Variants in SNX16 observed in about 807,000 individuals in gnomAD.
SNX16 encodes the protein sorting nexin-16.
Under a neutral mutation model 36.7 loss-of-function variants are expected in SNX16, and 35 were observed. That is an observed-to-expected ratio of 0.95 (90% CI 0.73 to 1.27). SNX16 has a LOEUF of 1.27. Ranked by LOEUF, SNX16 falls within the 50% of genes most tolerant of loss-of-function variation. The pLI is 0.00. For missense variants in SNX16, 367 were observed against 393.6 expected (o/e 0.93, Z 0.57); for synonymous variants, 134 against 132.0 (o/e 1.02, Z -0.10).
intron 2 of SNX16, among the ~76,000 whole-genome samples, chr8:81,833,367 G>A (rs557348418): frequency 5.3e-5 from 8 of 151,472 alleles, no homozygotes; most frequent in African/African-American, 1.7e-4. Flanking sequence ...GAATAAGGAG[G>A]AGTTAAGGAT....
intron 6 of SNX16, 77 bp downstream of exon 6, chr8:81,803,015 T>C: frequency 7.9e-7 from 1 of 1,261,874 alleles, no homozygotes; most frequent in Non-Finnish European, 1.0e-6. Flanking sequence ...TAAATCATAT[T>C]AAAATATAAA....
At position 81,808,865 on chromosome 8, in the gene SNX16, G is replaced by C. The variant is rs1360055421; in HGVS notation, c.682-5637C>G. The C allele has an allele frequency of 5.9e-6, 4 of 672,484 alleles. No individual in the cohort carries two copies. In the East Asian group the frequency reaches 8.4e-5, roughly 14 times the overall value. The allele number at this position is 672,484 out of a possible 1,614,324, so 41.7% of individuals were successfully genotyped here. A position where few individuals can be genotyped will look rare whatever the true frequency, so the allele number is the denominator to read the frequency against. On this transcript the variant is annotated intron_variant, in intron 5 of 7. Transcript: ENST00000345957. ...GCTGCTACAAAGAAGACATGTTTTA[G>C]ACAAATACTCATGTGCATAGGCAAA... is the stretch of plus-strand genomic sequence containing the variant.
chr8:81,842,093 C>T (rs1357901660), intron 1 of SNX16, 29 bp downstream of exon 1: 1 of 151,812 alleles, frequency 6.6e-6, no homozygotes, highest in Non-Finnish European at 1.5e-5. Context: ...CAGCGACCGC[C>T]TGTCCTGAGG....
At chr8:81,805,255 T>C (rs1809877786) in intron 5 of SNX16, among the ~76,000 whole-genome samples, 1 of 151,984 alleles carries the variant, frequency 6.6e-6, no homozygotes. Flanking sequence ...CTTGAAAAAT[T>C]AAAGAGAATT....
chr8:81,810,471 T>C (rs984476483), intron 5 of SNX16, among the ~76,000 whole-genome samples: 2 of 152,180 alleles, frequency 1.3e-5, no homozygotes, highest in Non-Finnish European at 2.9e-5. Context: ...AAAAGAGATA[T>C]ATATCTCATT....
intron 5 of SNX16, chr8:81,808,091 T>C: frequency 8.5e-7 from 1 of 1,179,670 alleles, no homozygotes; most frequent in Non-Finnish European, 1.2e-6. Context: ...GTGAAAAAGA[T>C]ATTTATTGGT....
intron 2 of SNX16, among the ~76,000 whole-genome samples, chr8:81,834,776 T>C (rs374962177): frequency 6.6e-6 from 1 of 152,232 alleles, no homozygotes; most frequent in Non-Finnish European, 1.5e-5. Flanking sequence ...GCTCCACCCC[T>C]GGGGCTTTGC....
At chr8:81,805,304 A>C (rs1292512388) in intron 5 of SNX16, among the ~76,000 whole-genome samples, 1 of 152,164 alleles carries the variant, frequency 6.6e-6, no homozygotes, top group Non-Finnish European at 1.5e-5. Flanking sequence ...GGAACAATAT[A>C]AAATATGAAC....
In SNX16 at chr8:81,823,881, A is replaced by G; in HGVS notation, c.522T>C (p.Asp174=). 2 of 1,612,134 alleles carry G rather than the reference A, an allele frequency of 1.2e-6. No individual in the cohort carries two copies. Among genetic ancestry groups the G allele is most frequent in the Non-Finnish European group, 1.7e-6 (2 of 1,179,044 alleles). ...CTTCTAAAAAGTCAGCATTGTAATT[A>G]TCTTTAAACCAGCGTTTTGGAGGAA... The part of the protein sequence containing the change: ...LALPPKRWFK[D]NYNADFLEDR... The change falls in exon 4 of 8, where the codon GAT becomes GAC. Residue 174 remains aspartate (D), a synonymous_variant. Coordinates refer to ENST00000345957, the MANE Select transcript of SNX16 (RefSeq NM_152836.3).
At chr8:81,813,098 C>T (rs771439436) in intron 5 of SNX16, among the ~76,000 whole-genome samples, 5 of 151,708 alleles carry the variant, frequency 3.3e-5, no homozygotes, top group Non-Finnish European at 7.4e-5. Context: ...AGACAGATGT[C>T]GGAAAGAATA....
chr8:81,839,212 A>AT (rs1382060856), intron 2 of SNX16, among the ~76,000 whole-genome samples: 1 of 152,166 alleles, frequency 6.6e-6, no homozygotes, highest in African/African-American at 2.4e-5. Flanking sequence ...TGGGCATGTA[A>AT]TTTGGCAAGG....
At chr8:81,836,536 T>C (rs1295648809) in intron 2 of SNX16, among the ~76,000 whole-genome samples, 2 of 152,210 alleles carry the variant, frequency 1.3e-5, no homozygotes, top group Non-Finnish European at 2.9e-5. Context: ...CTTCCCATTG[T>C]TTAGGCCAAA....
At chr8:81,841,341 CA>C (rs34609959) in intron 1 of SNX16, among the ~76,000 whole-genome samples, 917 of 89,636 alleles carry the variant, frequency 0.01, 4 homozygotes, top group African/African-American at 0.028. Context: ...AACTCCGTCT[CA>C]AAAAAAAAAA....
intron 2 of SNX16, among the ~76,000 whole-genome samples, chr8:81,832,440 T>C (rs1263568457): frequency 1.3e-5 from 2 of 151,408 alleles, no homozygotes; most frequent in Non-Finnish European, 3.0e-5. Flanking sequence ...GGGGAAGGAG[T>C]TGAAAAACTG....
At chr8:81,817,809 C>T (rs946716252) in intron 4 of SNX16, among the ~76,000 whole-genome samples, 2 of 152,156 alleles carry the variant, frequency 1.3e-5, no homozygotes, top group Non-Finnish European at 2.9e-5. Context: ...AGGAAACCCT[C>T]ACCCTTGCTT....
Position 81,802,404 on chromosome 8 carries a change from TG to T in SNX16, c.913del (p.Gln305LysfsTer16). On this transcript the variant is annotated frameshift_variant, in exon 7 of 8. Coordinates refer to ENST00000345957, the MANE Select transcript of SNX16 (RefSeq NM_152836.3). LOFTEE classifies it low-confidence loss of function (END_TRUNC). ...KVESSALEVD[Q>X]DVLDEESRAD... ...CCTAGATTCTTCATCCAGGACATCT[TG>T]ATCAACCTCAAGTGCAGAGGACTCC... is the stretch of plus-strand genomic sequence containing the variant. 6.2e-7 allele frequency: 1 copy of T among 1,607,500 alleles called. No homozygotes were observed. The highest frequency in any genetic ancestry group is 1.3e-5 in the African/African-American group (1 of 74,574).
chr8:81,799,736 T>A lies in SNX16; in HGVS notation c.*1761A>T, dbSNP rs562533715. On this transcript the variant is annotated 3_prime_UTR_variant, in exon 8 of 8. Coordinates refer to ENST00000345957, the MANE Select transcript of SNX16 (RefSeq NM_152836.3). ...CCTTGAAGAACTTTAAATACAATCT[T>A]CCAAAAAGCCAGATTGAAAAAGTGG... is the stretch of plus-strand genomic sequence containing the variant. 143 of 152,022 alleles carry A rather than the reference T, an allele frequency of 9.4e-4. No homozygotes were observed. Among genetic ancestry groups the A allele is most frequent in the African/African-American group, 3.3e-3 (136 of 41,538 alleles). 9.4% of individuals were successfully genotyped at this position (152,022 alleles called of 1,614,324 possible). A position where few individuals can be genotyped will look rare whatever the true frequency, so the allele number is the denominator to read the frequency against.
At chr8:81,822,964 A>ATGTATGTATGTATATG (rs145512877) in intron 4 of SNX16, among the ~76,000 whole-genome samples, 1 of 127,250 alleles carries the variant, frequency 7.9e-6, no homozygotes, top group Non-Finnish European at 1.6e-5. Context: ...ATATATATAT[A>ATGTATGTATGTATATG]TATATATATA....
At chr8:81,835,215 G>C (rs911638108) in intron 2 of SNX16, among the ~76,000 whole-genome samples, 1 of 152,202 alleles carries the variant, frequency 6.6e-6, no homozygotes, top group Non-Finnish European at 1.5e-5. Flanking sequence ...GAGCGGCTGG[G>C]ACGCAGGGCA....
Sources: gnomAD v4.1 joint callset for allele counts (sites outside exome capture counted in the v4.1 genomes callset) on GRCh38, gnomAD v4.1.1 for gene constraint, MANE v1.5 for transcripts, NCBI Gene and HGNC (gene_info 2026-07-23, HGNC 2026-07-21) for gene names.